RASAL2: variants seen among roughly 807,000 people sequenced by gnomAD.
The protein encoded by RASAL2 is RAS protein activator like 2.
In RASAL2, 58 loss-of-function variants were observed where a neutral mutation model predicts 128.9. The ratio of observed to expected loss-of-function variants is 0.45; its 90% CI spans 0.36 to 0.56. The LOEUF is 0.56. Among genes scored for constraint, RASAL2 ranks in the 20% least tolerant of loss-of-function variants. The pLI, the probability that RASAL2 is intolerant of heterozygous loss-of-function variation, is 0.00. For missense variants in RASAL2, 1,360 were observed against 1,601.6 expected (o/e 0.85, Z 2.57); for synonymous variants, 561 against 580.8 (o/e 0.97, Z 0.49).
chr1:178,121,144 T>C (rs574215129), intron 1 of RASAL2: 48 of 152,362 alleles, frequency 3.2e-4, no homozygotes, highest in African/African-American at 1.1e-3. Flanking sequence ...CTAACTACTT[T>C]ATGAAAATCA....
chr1:178,338,823 T>A (rs16852704), intron 3 of RASAL2, among the ~76,000 whole-genome samples: 4,800 of 152,248 alleles, frequency 0.032, 94 homozygotes, highest in Middle Eastern at 0.065. Flanking sequence ...GTGATACAGT[T>A]TTCTCCGGTT....
chr1:178,297,659 T>C (rs12727134), intron 2 of RASAL2, among the ~76,000 whole-genome samples: 37,441 of 149,552 alleles, frequency 0.25, 7,470 homozygotes, highest in African/African-American at 0.56. Context: ...ATAAAGGTTA[T>C]ATTATGTTCT....
At chr1:178,281,840 T>C (rs775511870) in intron 1 of RASAL2, among the ~76,000 whole-genome samples, 1 of 152,194 alleles carries the variant, frequency 6.6e-6, no homozygotes, top group African/African-American at 2.4e-5. Context: ...GTCCAAATCA[T>C]GTGAAGAAAA....
chr1:178,460,768 C>T lies in RASAL2; in HGVS notation c.3252+2224C>T, dbSNP rs1177019483. Among the ~76,000 whole-genome samples the T allele has an allele frequency of 2.0e-5, 3 of 151,944 alleles. No homozygotes were observed. The South Asian group carries it at 6.3e-4, about 32-fold the overall frequency. ...TCAAGTTTCTTTTTTTTTTCCTACA[C>T]TGGCTTTTGGTTCATTGTTTTGAAC... On this transcript the variant is annotated intron_variant, in intron 14 of 17. Transcript: ENST00000367649.
At chr1:178,400,900 G>T (rs1321802396) in intron 4 of RASAL2, among the ~76,000 whole-genome samples, 1 of 152,100 alleles carries the variant, frequency 6.6e-6, no homozygotes, top group Non-Finnish European at 1.5e-5. Context: ...ACAAGCACAT[G>T]CCACCACGCC....
At chr1:178,439,611 AAAC>A in intron 6 of RASAL2, 36 bp downstream of exon 6, 2 of 1,596,526 alleles carry the variant, frequency 1.3e-6, no homozygotes, top group Non-Finnish European at 1.7e-6. Context: ...AAGAGTAGTT[AAAC>A]AACAATTGGA....
At chr1:178,219,544 G>A (rs73033421) in intron 1 of RASAL2, among the ~76,000 whole-genome samples, 2,144 of 151,720 alleles carry the variant, frequency 0.014, 53 homozygotes, top group African/African-American at 0.048. Context: ...AGGAGGCTGC[G>A]GTGGGAGCAT....
At chr1:178,188,868 A>T (rs1351846636) in intron 1 of RASAL2, among the ~76,000 whole-genome samples, 1 of 152,108 alleles carries the variant, frequency 6.6e-6, no homozygotes, top group Non-Finnish European at 1.5e-5. Flanking sequence ...CCTAATTTCT[A>T]AATTTTATAC....
intron 3 of RASAL2, among the ~76,000 whole-genome samples, chr1:178,368,135 C>G (rs1179675330): frequency 6.6e-6 from 1 of 152,028 alleles, no homozygotes; most frequent in Non-Finnish European, 1.5e-5. Context: ...TTTGCTGACC[C>G]CTGCCTAAAT....
intron 3 of RASAL2, among the ~76,000 whole-genome samples, chr1:178,375,405 G>C (rs1014976917): frequency 6.6e-6 from 1 of 152,106 alleles, no homozygotes; most frequent in Admixed American, 6.6e-5. Flanking sequence ...GATCAAAATA[G>C]TTTTTTAGAA....
intron 2 of RASAL2, among the ~76,000 whole-genome samples, chr1:178,294,560 C>T (rs74131312): frequency 6.6e-6 from 1 of 152,192 alleles, no homozygotes; most frequent in Non-Finnish European, 1.5e-5. Flanking sequence ...GATGGGCCCT[C>T]CCACTGTAAA....
At chr1:178,278,489 A>G (rs961493735) in intron 1 of RASAL2, among the ~76,000 whole-genome samples, 3 of 152,132 alleles carry the variant, frequency 2.0e-5, no homozygotes, top group South Asian at 4.1e-4. Flanking sequence ...TCTCCTCTCA[A>G]TAGGTTCATG....
chr1:178,410,592 G>C (rs1227433085), intron 4 of RASAL2, among the ~76,000 whole-genome samples: 2 of 152,084 alleles, frequency 1.3e-5, no homozygotes, highest in Non-Finnish European at 2.9e-5. Context: ...ACAACCCACA[G>C]GGTGGGAGAA....
chr1:178,257,453 G>GTA (rs546127535), intron 1 of RASAL2, among the ~76,000 whole-genome samples: 2,502 of 151,254 alleles, frequency 0.017, 255 homozygotes, highest in Non-Finnish European at 0.025. Flanking sequence ...GTGTGTGTGT[G>GTA]TGTAGAAATA....
intron 1 of RASAL2, among the ~76,000 whole-genome samples, chr1:178,264,393 G>A (rs970950357): frequency 1.3e-5 from 2 of 152,072 alleles, no homozygotes; most frequent in African/African-American, 4.8e-5. Flanking sequence ...GTTTGGAATT[G>A]CCTTCTACTT....
chr1:178,136,756 C>CAAAAAAAAAAAAAAAAA (rs397982072), intron 1 of RASAL2, among the ~76,000 whole-genome samples: 1 of 47,200 alleles, frequency 2.1e-5, no homozygotes, highest in African/African-American at 1.0e-4. Context: ...GACTCTGTCT[C>CAAAAAAAAAAAAAAAAA]AAAAAAAAAA....
chr1:178,405,940 A>G (rs1354793058), intron 4 of RASAL2, among the ~76,000 whole-genome samples: 1 of 152,134 alleles, frequency 6.6e-6, no homozygotes, highest in Non-Finnish European at 1.5e-5. Flanking sequence ...ACTCTGTACT[A>G]TTTTTCCAAA....
intron 1 of RASAL2, among the ~76,000 whole-genome samples, chr1:178,115,581 A>G (rs1659495688): frequency 6.6e-6 from 1 of 152,242 alleles, no homozygotes; most frequent in Non-Finnish European, 1.5e-5. Flanking sequence ...AGCTTTGAGG[A>G]ACTCTGAATA....
At chr1:178,199,170 T>G (rs879385361) in intron 1 of RASAL2, among the ~76,000 whole-genome samples, 3 of 152,216 alleles carry the variant, frequency 2.0e-5, no homozygotes, top group Non-Finnish European at 2.9e-5. Context: ...AAGTGCAGTG[T>G]TTAGGTGGCA....
Sources: allele counts gnomAD v4.1 joint callset (sites outside exome capture counted in the v4.1 genomes callset), GRCh38; gene constraint gnomAD v4.1.1; transcripts MANE v1.5; gene names NCBI Gene and HGNC (gene_info 2026-07-23, HGNC 2026-07-21).